SLC10A7: variants seen among roughly 807,000 people sequenced by gnomAD.
SLC10A7 encodes sodium/bile acid cotransporter 7.
SLC10A7 carries 29 observed loss-of-function variants against 43.2 expected under a neutral mutation model. The observed-to-expected ratio is 0.67, with a 90% CI of 0.50 to 0.92. The LOEUF (loss-of-function observed/expected upper bound fraction) is 0.92, where lower values mean the gene tolerates loss of function less well. Among genes scored for constraint, SLC10A7 ranks in the 40% least tolerant of loss-of-function variants. The pLI is 0.00. For synonymous variants in SLC10A7, 152 were observed against 144.8 expected (o/e 1.05, Z -0.35); for missense variants, 295 against 403.2 (o/e 0.73, Z 2.30).
intron 4 of SLC10A7, among the ~76,000 whole-genome samples, chr4:146,451,924 G>A (rs534725919): frequency 1.3e-5 from 2 of 152,090 alleles, no homozygotes; most frequent in Non-Finnish European, 2.9e-5. Flanking sequence ...GAGCACTGGA[G>A]AGATAGCCAC....
intron 5 of SLC10A7, among the ~76,000 whole-genome samples, chr4:146,361,508 G>A (rs867517709): frequency 3.9e-5 from 6 of 152,122 alleles, no homozygotes; most frequent in South Asian, 2.1e-4. Context: ...AACAGTTGCA[G>A]TATTGCTGGG....
intron 10 of SLC10A7, among the ~76,000 whole-genome samples, chr4:146,261,406 A>G (rs954757256): frequency 5.3e-5 from 8 of 150,292 alleles, no homozygotes; most frequent in African/African-American, 1.9e-4. Context: ...TGAAAATTCT[A>G]ACTTCTTCCC....
chr4:146,295,276 C>A (rs1429670500), intron 7 of SLC10A7, among the ~76,000 whole-genome samples: 1 of 152,038 alleles, frequency 6.6e-6, no homozygotes, highest in East Asian at 1.9e-4. Flanking sequence ...CAGCTGGTAC[C>A]AGGTACAGGT....
At chr4:146,521,001 C>T (rs1738580855) in intron 1 of SLC10A7, among the ~76,000 whole-genome samples, 1 of 152,096 alleles carries the variant, frequency 6.6e-6, no homozygotes, top group Non-Finnish European at 1.5e-5. Context: ...CAGTCTGTAT[C>T]TGTTAGACTG....
intron 4 of SLC10A7, among the ~76,000 whole-genome samples, chr4:146,456,188 A>C (rs1732035394): frequency 6.6e-6 from 1 of 151,974 alleles, no homozygotes; most frequent in Admixed American, 6.6e-5. Context: ...GCAGAAACTA[A>C]TGAAATAAAA....
At chr4:146,427,366 T>C (rs1729450829) in intron 5 of SLC10A7, among the ~76,000 whole-genome samples, 2 of 152,218 alleles carry the variant, frequency 1.3e-5, no homozygotes, top group Admixed American at 6.5e-5. Context: ...GGATGTTTTC[T>C]AGTGTTACAA....
At chr4:146,506,190 G>A (rs994399401) in intron 3 of SLC10A7, among the ~76,000 whole-genome samples, 3 of 152,106 alleles carry the variant, frequency 2.0e-5, no homozygotes, top group African/African-American at 7.2e-5. Context: ...GAACTCAGGA[G>A]GCAGAGGTTG....
chr4:146,343,390 G>C (rs565399807), intron 5 of SLC10A7, among the ~76,000 whole-genome samples: 71 of 152,158 alleles, frequency 4.7e-4, no homozygotes, highest in Middle Eastern at 6.8e-3. Flanking sequence ...CATGTGGCCT[G>C]TGGGCCACTC....
intron 3 of SLC10A7, among the ~76,000 whole-genome samples, chr4:146,506,726 A>T (rs1736936511): frequency 6.6e-6 from 1 of 151,204 alleles, no homozygotes; most frequent in Admixed American, 6.6e-5. Context: ...TAAACCAGTC[A>T]TTCTGGTGTT....
chr4:146,256,845 T>TA (rs1350532285), intron 11 of SLC10A7: 27 of 1,535,778 alleles, frequency 1.8e-5, no homozygotes, highest in Admixed American at 1.4e-4. Flanking sequence ...GGACTCTTGG[T>TA]ATTTATTTTA....
At chr4:146,322,876 A>G (rs1231050046) in intron 6 of SLC10A7, among the ~76,000 whole-genome samples, 1 of 152,040 alleles carries the variant, frequency 6.6e-6, no homozygotes, top group East Asian at 1.9e-4. Context: ...TATCCTCTCC[A>G]GCACCTGTTG....
chr4:146,512,503 T>C lies in SLC10A7; in HGVS notation c.184-2454A>G, dbSNP rs890040311. ...AAACAAATGTCCAAACATAAGAGAA[T>C]CATTTAAAAAGTTAAAATCTAATTG... is the stretch of plus-strand genomic sequence containing the variant. On this transcript the variant is annotated intron_variant, in intron 2 of 11. Coordinates refer to ENST00000335472, the MANE Select transcript of SLC10A7 (RefSeq NM_001029998.6). Among the ~76,000 whole-genome samples, 4 of 152,186 alleles carry C rather than the reference T, an allele frequency of 2.6e-5. No individual in the cohort carries two copies. In the East Asian group the frequency reaches 5.8e-4, roughly 22 times the overall value.
chr4:146,281,958 T>C (rs975165914), intron 10 of SLC10A7, among the ~76,000 whole-genome samples: 17 of 152,170 alleles, frequency 1.1e-4, no homozygotes, highest in African/African-American at 4.1e-4. Flanking sequence ...ATCTACCAAG[T>C]GCTGTGCCAG....
chr4:146,350,400 G>C (rs1467799640), intron 5 of SLC10A7, among the ~76,000 whole-genome samples: 2 of 55,658 alleles, frequency 3.6e-5, no homozygotes. Context: ...GAATCTCGCT[G>C]ATTGCTAGCA....
rs183470319 is a variant in SLC10A7, at chr4:146,411,114, T to G, written c.435+31669A>C. Reference sequence around the variant, plus strand: ...ACTCCCAAAGTACTGGGATTACAGGTGTAAGCCACCTTGCCCGGCCTTCTT... The same window carrying G: ...ACTCCCAAAGTACTGGGATTACAGGGGTAAGCCACCTTGCCCGGCCTTCTT... On this transcript the variant is annotated intron_variant, in intron 5 of 11. Transcript: ENST00000335472. 3.4e-3 allele frequency among the ~76,000 whole-genome samples: 515 copies of G among 152,238 alleles called. 2 individuals carry two copies. Among genetic ancestry groups the G allele is most frequent in the Non-Finnish European group, 5.9e-3 (402 of 68,012 alleles).
chr4:146,382,900 G>C (rs1258715253), intron 5 of SLC10A7, among the ~76,000 whole-genome samples: 1 of 151,694 alleles, frequency 6.6e-6, no homozygotes, highest in Non-Finnish European at 1.5e-5. Context: ...TCTTGAGATA[G>C]AATTATATCA....
At chr4:146,337,485 A>G (rs1560811124) in intron 5 of SLC10A7, among the ~76,000 whole-genome samples, 2 of 152,012 alleles carry the variant, frequency 1.3e-5, no homozygotes, top group Non-Finnish European at 2.9e-5. Flanking sequence ...ATGGTCAGCC[A>G]AAGTTCCTAT....
intron 5 of SLC10A7, among the ~76,000 whole-genome samples, chr4:146,354,747 A>C (rs1295734920): frequency 2.7e-4 from 41 of 149,148 alleles, no homozygotes; most frequent in Non-Finnish European, 7.5e-5. Context: ...ATCTACAACT[A>C]TCTGATCTTT....
chr4:146,298,973 T>C (rs1730971850), intron 7 of SLC10A7, among the ~76,000 whole-genome samples: 1 of 152,178 alleles, frequency 6.6e-6, no homozygotes. Flanking sequence ...CAAAAAGAAG[T>C]ATTGTCTGGG....
Sources: allele counts gnomAD v4.1 joint callset (sites outside exome capture counted in the v4.1 genomes callset), GRCh38; gene constraint gnomAD v4.1.1; transcripts MANE v1.5; gene names NCBI Gene and HGNC (gene_info 2026-07-23, HGNC 2026-07-21).